CCDC18: variants seen among roughly 807,000 people sequenced by gnomAD.
CCDC18 encodes the protein coiled-coil domain containing 18, also known as coiled-coil domain-containing protein 18.
In CCDC18, 157 loss-of-function variants were observed where a neutral mutation model predicts 196.0. That is an observed-to-expected ratio of 0.80 (90% CI 0.70 to 0.91). The LOEUF (loss-of-function observed/expected upper bound fraction) is 0.91. CCDC18 is among the 40% of genes least tolerant of loss of function. CCDC18 has a pLI of 0.00. For synonymous variants in CCDC18, 482 were observed against 529.2 expected (o/e 0.91, Z 1.22); for missense variants, 1,465 against 1,611.6 (o/e 0.91, Z 1.56).
rs1370919759 is a variant in CCDC18 at position 93,214,943 on chromosome 1, A to G, written c.1696A>G (p.Asn566Asp). 1.9e-6 allele frequency: 3 copies of G among 1,600,930 alleles called. No individual in the cohort carries two copies. The highest frequency in any genetic ancestry group is 2.6e-6 in the Non-Finnish European group (3 of 1,172,330). Residue 566 changes from asparagine to aspartate, a missense_variant, in exon 12 of 29, where the codon AAC becomes GAC. By Grantham distance (23) the Asn-to-Asp change is conservative (BLOSUM62 1). Transcript: ENST00000690025. ...IQEELLEKASNSSKLESEMTK... is the reference protein window; with the variant it reads ...IQEELLEKASDSSKLESEMTK... Reference sequence around the variant, plus strand: ...AGAGGAGCTGCTAGAGAAAGCTTCAAACTCCAGCAAACTGGAAAGTGAAGT... The same window carrying G: ...AGAGGAGCTGCTAGAGAAAGCTTCAGACTCCAGCAAACTGGAAAGTGAAGT...
At chr1:93,249,406 CTCTT>C (rs1328184940) in intron 23 of CCDC18, among the ~76,000 whole-genome samples, 5 of 146,894 alleles carry the variant, frequency 3.4e-5, no homozygotes, top group African/African-American at 1.1e-4. Flanking sequence ...AAGAAATTAA[CTCTT>C]TGTTTCATTT....
intron 16 of CCDC18, among the ~76,000 whole-genome samples, chr1:93,226,045 A>G (rs755859498): frequency 1.1e-4 from 17 of 152,096 alleles, no homozygotes; most frequent in Non-Finnish European, 1.6e-4. Context: ...TCCCTTTCGC[A>G]GGGCCTTGCT....
At chr1:93,248,162 C>T (rs1466635670) in intron 23 of CCDC18, among the ~76,000 whole-genome samples, 1 of 151,538 alleles carries the variant, frequency 6.6e-6, no homozygotes, top group Admixed American at 6.6e-5. Flanking sequence ...TTACAGGTGC[C>T]CACCACCACG....
chr1:93,185,995 C>A (rs1650608246), intron 3 of CCDC18, among the ~76,000 whole-genome samples: 1 of 151,908 alleles, frequency 6.6e-6, no homozygotes, highest in African/African-American at 2.4e-5. Flanking sequence ...GACAATGTAG[C>A]TATGAATAGT....
At chr1:93,180,089 T>G, upstream of CCDC18, 1 of 1,613,634 alleles carries the variant, frequency 6.2e-7, no homozygotes, top group Non-Finnish European at 8.5e-7. Context: ...TTCAGGGGCA[T>G]GGGCTGGTAG....
rs575572579 is a variant in CCDC18, at chr1:93,232,431, T to G, written c.2298T>G (p.Tyr766Ter). 69 of 1,577,210 alleles carry G rather than the reference T, an allele frequency of 4.4e-5. No individual in the cohort carries two copies. The South Asian group carries it at 7.1e-4, about 16-fold the overall frequency. ...KQLKKKSEEV[Y>*]CLQKELKIKN... ...TATATATATATATTTGCCAGGTATA[T>G]TGTTTACAGAAAGAGCTAAAGATAA... is the stretch of plus-strand genomic sequence containing the variant. Residue 766 changes from tyrosine to a stop codon, truncating the protein, a stop_gained, in exon 18 of 29, where the codon TAT (tyrosine) becomes TAG (stop). Transcript: ENST00000690025. LOFTEE classifies it high-confidence loss of function.
chr1:93,256,243 G>A, intron 24 of CCDC18, 92 bp from the exon 25 acceptor site: 2 of 1,062,612 alleles, frequency 1.9e-6, no homozygotes, highest in South Asian at 1.5e-5. Context: ...TTAGTTGGAA[G>A]GTGGAAATTT....
chr1:93,187,308 A>G (rs1323610460), intron 4 of CCDC18, among the ~76,000 whole-genome samples: 1 of 152,072 alleles, frequency 6.6e-6, no homozygotes, highest in Non-Finnish European at 1.5e-5. Context: ...GTCACTTAAA[A>G]CAGTGTCTAT....
chr1:93,223,900 T>TACACACACACAC (rs60165485), intron 16 of CCDC18, among the ~76,000 whole-genome samples: 1 of 141,298 alleles, frequency 7.1e-6, no homozygotes, highest in African/African-American at 2.6e-5. Flanking sequence ...CATTTATTTA[T>TACACACACACAC]ACACACACAC....
chr1:93,227,744 G>A (rs190877926), intron 17 of CCDC18, among the ~76,000 whole-genome samples: 5 of 151,486 alleles, frequency 3.3e-5, no homozygotes, highest in South Asian at 2.1e-4. Context: ...ACTTGAGGCC[G>A]GGAGTTCAAG....
At chr1:93,254,411 G>T in intron 23 of CCDC18, 60 bp from the exon 24 acceptor site, 1 of 1,262,748 alleles carries the variant, frequency 7.9e-7, no homozygotes, top group Admixed American at 2.4e-5. Flanking sequence ...TTGGAACACA[G>T]CATTGATTAA....
Position 93,254,662 on chromosome 1 carries a change from G to A in CCDC18, c.3342+48G>A, listed in dbSNP as rs770524789. 70 of 1,526,522 alleles carry A rather than the reference G, an allele frequency of 4.6e-5. 1 individual carries two copies. The Admixed American group carries it at 1.3e-3, about 28-fold the overall frequency. The allele number at this position is 1,526,522 out of a possible 1,614,324, so 94.6% of individuals were successfully genotyped here. A position where few individuals can be genotyped will look rare whatever the true frequency, so the allele number is the denominator to read the frequency against. Reference sequence around the variant, plus strand: ...AGGAACAAGTGGTAGTCTCTGTTGAGTGAAATGAATCTTTATGTTTTAAAC... The same window carrying A: ...AGGAACAAGTGGTAGTCTCTGTTGAATGAAATGAATCTTTATGTTTTAAAC... On this transcript the variant is annotated intron_variant, in intron 24 of 28. Coordinates refer to ENST00000690025, the MANE Select transcript of CCDC18 (RefSeq NM_001378204.1).
In CCDC18 at chr1:93,264,517, T is replaced by A. The variant is rs1664232442; in HGVS notation, c.3685-184T>A. 1.5e-5 allele frequency: 7 copies of A among 460,404 alleles called. No individual in the cohort carries two copies. The South Asian group carries it at 2.2e-4, about 14-fold the overall frequency. The allele number at this position is 460,404 out of a possible 1,614,324, so 28.5% of individuals were successfully genotyped here. A position where few individuals can be genotyped will look rare whatever the true frequency, so the allele number is the denominator to read the frequency against. On this transcript the variant is annotated intron_variant, in intron 26 of 28. Transcript: ENST00000690025. ...TTAAGTTCTTAAGTAAATTGAAGAT[T>A]ATGGATTCCTTTGTTCCCTTTTTCC... is the stretch of plus-strand genomic sequence containing the variant.
In CCDC18 at chr1:93,236,347, G is replaced by C; in HGVS notation, c.2560G>C (p.Asp854His). 1 of 1,586,298 alleles carries C rather than the reference G, an allele frequency of 6.3e-7. No individual in the cohort carries two copies. The highest frequency in any genetic ancestry group is 1.9e-5 in the Admixed American group (1 of 52,876). The change falls in exon 19 of 29, where the codon GAT (aspartate) becomes CAT (histidine). Residue 854 changes from aspartate (D) to histidine (H), a missense_variant. By Grantham distance (81) the Asp-to-His change is moderately conservative (BLOSUM62 -1). Transcript: ENST00000690025. ...ATGTGAATCAGCTGCACATGAAGCAGATTTGAAAAGGCAAAAAGTGATTGA... is the reference window on the plus strand; with the variant it reads ...ATGTGAATCAGCTGCACATGAAGCACATTTGAAAAGGCAAAAAGTGATTGA... The part of the protein sequence containing the change: ...EKCESAAHEA[D>H]LKRQKVIELT...
At chr1:93,200,120 G>A (rs1653568465) in intron 6 of CCDC18, among the ~76,000 whole-genome samples, 1 of 152,020 alleles carries the variant, frequency 6.6e-6, no homozygotes, top group Non-Finnish European at 1.5e-5. Flanking sequence ...GAGTAGCTGG[G>A]ACTACAGGTG....
At chr1:93,236,967 G>A (rs1017589888) in intron 19 of CCDC18, among the ~76,000 whole-genome samples, 1 of 152,192 alleles carries the variant, frequency 6.6e-6, no homozygotes, top group Non-Finnish European at 1.5e-5. Flanking sequence ...AGGAACCCAT[G>A]AGCTGAAAGC....
intron 19 of CCDC18, among the ~76,000 whole-genome samples, chr1:93,238,793 C>T (rs112218492): frequency 6.8e-4 from 103 of 152,220 alleles, no homozygotes; most frequent in African/African-American, 2.2e-3. Context: ...GACAACTCAC[C>T]TAGTCTTCAG....
At chr1:93,190,872 T>C (rs1243097809) in intron 4 of CCDC18, 1 of 729,126 alleles carries the variant, frequency 1.4e-6, no homozygotes, top group Non-Finnish European at 2.5e-6. Flanking sequence ...CAATCTTCTT[T>C]GTAGTTTCAG....
intron 26 of CCDC18, among the ~76,000 whole-genome samples, chr1:93,263,272 T>C (rs1463099965): frequency 6.6e-6 from 1 of 152,234 alleles, no homozygotes; most frequent in East Asian, 1.9e-4. Context: ...GAGCTTGAAT[T>C]TCTCCCCATA....
Sources: gnomAD v4.1 joint callset for allele counts (sites outside exome capture counted in the v4.1 genomes callset) on GRCh38, gnomAD v4.1.1 for gene constraint, MANE v1.5 for transcripts, NCBI Gene and HGNC (gene_info 2026-07-23, HGNC 2026-07-21) for gene names.